Variants in GDA observed in about 807,000 individuals in gnomAD.
The protein encoded by GDA is guanine deaminase.
GDA carries 18 observed loss-of-function variants against 59.6 expected under a neutral mutation model. The observed-to-expected ratio is 0.30, with a 90% CI of 0.21 to 0.45. GDA has a LOEUF of 0.45. Ranked by LOEUF, GDA falls within the 20% of genes least tolerant of loss-of-function variation. The pLI, the probability that GDA is intolerant of heterozygous loss-of-function variation, is 1.00. For missense variants in GDA, 427 were observed against 552.3 expected (o/e 0.77, Z 2.27); for synonymous variants, 201 against 201.1 (o/e 1.00, Z 0.00).
intron 1 of GDA, among the ~76,000 whole-genome samples, chr9:72,135,677 C>A (rs527253726): frequency 1.2e-4 from 18 of 150,572 alleles, no homozygotes; most frequent in African/African-American, 4.1e-4. Context: ...CGCCTGTAAT[C>A]CAGCACTTTG....
chr9:72,118,008 C>G (rs1165209618), intron 1 of GDA, among the ~76,000 whole-genome samples: 1 of 152,040 alleles, frequency 6.6e-6, no homozygotes, highest in Non-Finnish European at 1.5e-5. Context: ...CGCGGTGGCT[C>G]ACGCCTGTAA....
At chr9:72,177,314 T>G (rs1451142792) in intron 1 of GDA, among the ~76,000 whole-genome samples, 1 of 151,968 alleles carries the variant, frequency 6.6e-6, no homozygotes, top group Admixed American at 6.6e-5. Context: ...GCCAGACTGG[T>G]CTCAAACTCC....
intron 1 of GDA, among the ~76,000 whole-genome samples, chr9:72,194,645 C>A (rs11143159): frequency 0.29 from 44,006 of 151,924 alleles, 6,642 homozygotes; most frequent in East Asian, 0.55. Context: ...GTGTTCCCCC[C>A]CTTCCCGGCC....
At chr9:72,149,938 T>C (rs1826958512) in intron 1 of GDA, among the ~76,000 whole-genome samples, 1 of 152,214 alleles carries the variant, frequency 6.6e-6, no homozygotes, top group South Asian at 2.1e-4. Context: ...CAGTCCGGGC[T>C]GCGGTAGAGC....
chr9:72,118,983 T>C (rs1825566549), intron 1 of GDA, among the ~76,000 whole-genome samples: 1 of 152,142 alleles, frequency 6.6e-6, no homozygotes, highest in Non-Finnish European at 1.5e-5. Flanking sequence ...TACATATTTA[T>C]TGAATGGTCA....
At chr9:72,229,550 G>A (rs1838078816) in intron 9 of GDA, among the ~76,000 whole-genome samples, 1 of 152,094 alleles carries the variant, frequency 6.6e-6, no homozygotes, top group African/African-American at 2.4e-5. Context: ...AAGAAGTGAG[G>A]GAGCTGGCTG....
At chr9:72,123,803 G>T (rs1441891379) in intron 1 of GDA, among the ~76,000 whole-genome samples, 1 of 152,118 alleles carries the variant, frequency 6.6e-6, no homozygotes, top group Non-Finnish European at 1.5e-5. Flanking sequence ...TGTTTTACTT[G>T]CTTTTCCCTG....
At position 72,250,950 on chromosome 9, in the gene GDA, G is replaced by T; in HGVS notation, c.*2608G>T. ...AGGTAAATTTCATTTTCAAACGAGA[G>T]GGAAACATGGGAAGTAAAAGATTAG... On this transcript the variant is annotated 3_prime_UTR_variant, in exon 14 of 14. Coordinates refer to ENST00000358399, the MANE Select transcript of GDA (RefSeq NM_004293.5). 1.3e-6 allele frequency: 1 copy of T among 799,434 alleles called. No homozygotes were observed. The highest frequency in any genetic ancestry group is 2.6e-5 in the East Asian group (1 of 38,604). The allele number at this position is 799,434 out of a possible 1,614,324, so 49.5% of individuals were successfully genotyped here.
intron 6 of GDA, among the ~76,000 whole-genome samples, chr9:72,220,063 A>G (rs2131549957): frequency 6.6e-6 from 1 of 152,352 alleles, no homozygotes; most frequent in South Asian, 2.1e-4. Flanking sequence ...AATGCAGTGT[A>G]TATGTCTATA....
rs371930307 is a variant in GDA, at chr9:72,220,491, G to A, written c.606+985G>A. Among the ~76,000 whole-genome samples, 16 of 152,210 alleles carry A rather than the reference G, an allele frequency of 1.1e-4. No homozygotes were observed. The East Asian group carries it at 1.3e-3, about 13-fold the overall frequency. On this transcript the variant is annotated intron_variant, in intron 6 of 13. Coordinates refer to ENST00000358399, the MANE Select transcript of GDA (RefSeq NM_004293.5). ...AAATTTCGTCAGGCAGGTAAACTTCGTCTTAAGTTCACTAAGCTTTTAGTT... is the reference window on the plus strand; with the variant it reads ...AAATTTCGTCAGGCAGGTAAACTTCATCTTAAGTTCACTAAGCTTTTAGTT...
chr9:72,193,863 T>C (rs1832849262), intron 1 of GDA: 1 of 152,252 alleles, frequency 6.6e-6, no homozygotes, highest in South Asian at 2.1e-4. Context: ...CAAGATACAG[T>C]CCTTCCCACT....
In GDA at chr9:72,246,721, G is replaced by T. The variant is rs191863334; in HGVS notation, c.1267-685G>T. On this transcript the variant is annotated intron_variant, in intron 12 of 13. Transcript: ENST00000358399. The stretch of plus-strand genomic sequence containing the variant: ...TGATGGTCTTATGACCTGCATTGGG[G>T]TAAGGGGTAAGGGGAGGGTCAGAGT... 5.4e-5 allele frequency among the ~76,000 whole-genome samples: 8 copies of T among 147,652 alleles called. No homozygotes were observed. The East Asian group carries it at 9.7e-4, about 18-fold the overall frequency.
intron 1 of GDA, among the ~76,000 whole-genome samples, chr9:72,187,900 T>C (rs1443810647): frequency 1.3e-5 from 2 of 152,240 alleles, no homozygotes; most frequent in Non-Finnish European, 2.9e-5. Context: ...ATCCTTGTTA[T>C]AAAGTAGCAA....
intron 5 of GDA, chr9:72,214,660 C>G: frequency 3.6e-6 from 1 of 280,140 alleles, no homozygotes; most frequent in Non-Finnish European, 6.8e-6. Flanking sequence ...CACAGTCATA[C>G]AGCTTTTAAG....
At chr9:72,168,251 C>T (rs892167641) in intron 1 of GDA, among the ~76,000 whole-genome samples, 11 of 151,960 alleles carry the variant, frequency 7.2e-5, no homozygotes, top group Admixed American at 4.6e-4. Flanking sequence ...CAAAAAAACA[C>T]GAGCTGGGCA....
At chr9:72,201,558 G>A (rs1235544642) in intron 2 of GDA, among the ~76,000 whole-genome samples, 2 of 152,088 alleles carry the variant, frequency 1.3e-5, no homozygotes, top group Non-Finnish European at 2.9e-5. Flanking sequence ...ACAGTTAGGT[G>A]GTATGTATAC....
chr9:72,130,017 G>T (rs542972781), intron 1 of GDA, among the ~76,000 whole-genome samples: 2 of 152,106 alleles, frequency 1.3e-5, no homozygotes, highest in African/African-American at 4.8e-5. Context: ...TTGTTGGATG[G>T]GCATTGGAAA....
rs1840676834 is a variant in GDA at position 72,251,463 on chromosome 9, T to C, written c.*3121T>C. On this transcript the variant is annotated 3_prime_UTR_variant, in exon 14 of 14. Coordinates refer to ENST00000358399, the MANE Select transcript of GDA (RefSeq NM_004293.5). ...TAGGAGAGATCCAAAATTTGGATGC[T>C]TCTGGAGACTCTTAGACATCTTTTC... 1 of 152,172 alleles carries C rather than the reference T, an allele frequency of 6.6e-6. No homozygotes were observed. The highest frequency in any genetic ancestry group is 1.5e-5 in the Non-Finnish European group (1 of 68,034). The allele number at this position is 152,172 out of a possible 1,614,324, so 9.4% of individuals were successfully genotyped here.
intron 1 of GDA, among the ~76,000 whole-genome samples, chr9:72,139,618 G>T (rs879676796): frequency 6.6e-6 from 1 of 151,972 alleles, no homozygotes; most frequent in African/African-American, 2.4e-5. Context: ...ACAAGAGTTC[G>T]GGACCAGATT....
Sources: allele counts gnomAD v4.1 joint callset (sites outside exome capture counted in the v4.1 genomes callset), GRCh38; gene constraint gnomAD v4.1.1; transcripts MANE v1.5; gene names NCBI Gene and HGNC (gene_info 2026-07-23, HGNC 2026-07-21).